The following ALK variants were observed in gnomAD, a reference collection of about 807,000 sequenced individuals.
ALK encodes ALK tyrosine kinase receptor.
ALK carries 74 observed loss-of-function variants against 163.1 expected under a neutral mutation model. The observed-to-expected ratio is 0.45, with a 90% CI of 0.38 to 0.55. The LOEUF (loss-of-function observed/expected upper bound fraction) is 0.55. ALK is among the 20% of genes least tolerant of loss of function. ALK has a pLI of 0.00. For synonymous variants in ALK, 960 were observed against 843.2 expected (o/e 1.14, Z -2.40); for missense variants, 2,063 against 2,105.3 (o/e 0.98, Z 0.39).
chr2:29,877,195 T>C (rs1158773735), intron 1 of ALK, among the ~76,000 whole-genome samples: 1 of 152,244 alleles, frequency 6.6e-6, no homozygotes, highest in African/African-American at 2.4e-5. Context: ...ATAAGTTAAG[T>C]TGGAGGCTGA....
chr2:29,772,914 G>A (rs1355358547), intron 1 of ALK, among the ~76,000 whole-genome samples: 11 of 152,196 alleles, frequency 7.2e-5, no homozygotes, highest in Admixed American at 7.2e-4. Context: ...AAGGACTTCT[G>A]TGTAGGGGGA....
chr2:29,470,104 T>C lies in ALK; in HGVS notation c.1154+61811A>G, dbSNP rs574793475. Among the ~76,000 whole-genome samples the C allele has an allele frequency of 1.2e-3, 179 of 152,138 alleles. 2 individuals are homozygous for C. The highest frequency in any genetic ancestry group is 2.3e-3 in the Non-Finnish European group (157 of 67,992). ...ATACAATAACGAATTAATAATTCAA[T>C]AGATGAGTTTAACAGTAGATTAGAC... On this transcript the variant is annotated intron_variant, in intron 4 of 28. Transcript: ENST00000389048.
At chr2:29,232,281 A>G in intron 15 of ALK, 23 bp downstream of exon 15, 2 of 1,613,922 alleles carry the variant, frequency 1.2e-6, no homozygotes, top group Non-Finnish European at 1.7e-6. Flanking sequence ...GTTCTGGGAG[A>G]GGGCACGCTT....
At chr2:29,609,474 C>T (rs1044128906) in intron 3 of ALK, among the ~76,000 whole-genome samples, 6 of 150,506 alleles carry the variant, frequency 4.0e-5, no homozygotes, top group Non-Finnish European at 8.9e-5. Flanking sequence ...TTCTCTCACT[C>T]ATCTACACAT....
intron 1 of ALK, among the ~76,000 whole-genome samples, chr2:29,757,921 T>C (rs573872600): frequency 6.6e-6 from 1 of 151,888 alleles, no homozygotes; most frequent in African/African-American, 2.4e-5. Flanking sequence ...CAGACAGACA[T>C]GATCTCACTC....
intron 3 of ALK, among the ~76,000 whole-genome samples, chr2:29,614,509 G>A (rs1206846043): frequency 6.6e-6 from 1 of 152,176 alleles, no homozygotes; most frequent in Non-Finnish European, 1.5e-5. Flanking sequence ...CTGACAGCAT[G>A]TTCCATCCAC....
At chr2:29,726,108 T>A (rs1450159354) in intron 1 of ALK, among the ~76,000 whole-genome samples, 1 of 152,160 alleles carries the variant, frequency 6.6e-6, no homozygotes, top group Admixed American at 6.5e-5. Context: ...ATTTTACTAA[T>A]CCAAGACAGC....
intron 1 of ALK, among the ~76,000 whole-genome samples, chr2:29,801,948 A>G (rs1417162117): frequency 6.6e-6 from 1 of 152,042 alleles, no homozygotes; most frequent in Non-Finnish European, 1.5e-5. Flanking sequence ...CAACTTCTTA[A>G]CCCCTAGGTC....
intron 2 of ALK, among the ~76,000 whole-genome samples, chr2:29,707,904 G>T (rs2631970): frequency 0.64 from 97,360 of 151,966 alleles, 35,667 homozygotes; most frequent in Non-Finnish European, 0.81. Context: ...ACCAAAAGGA[G>T]TAGGTAGTGG....
chr2:29,607,528 G>A (rs996506193), intron 3 of ALK, among the ~76,000 whole-genome samples: 2 of 152,048 alleles, frequency 1.3e-5, no homozygotes, highest in East Asian at 1.9e-4. Context: ...CCACTCCCCC[G>A]AAATGGCTCT....
intron 4 of ALK, among the ~76,000 whole-genome samples, chr2:29,401,886 G>C (rs1473821854): frequency 6.6e-6 from 1 of 152,190 alleles, no homozygotes; most frequent in East Asian, 1.9e-4. Context: ...ATCCTGGTCT[G>C]ACACGAAATT....
chr2:29,482,703 A>G (rs1671690923), intron 4 of ALK, among the ~76,000 whole-genome samples: 1 of 151,154 alleles, frequency 6.6e-6, no homozygotes, highest in Non-Finnish European at 1.5e-5. Context: ...TTAGCTGATG[A>G]CAGAGCAGGA....
At chr2:29,296,201 A>G (rs542452876) in intron 9 of ALK, among the ~76,000 whole-genome samples, 1 of 152,382 alleles carries the variant, frequency 6.6e-6, no homozygotes, top group African/African-American at 2.4e-5. Context: ...GATGTTGCTC[A>G]AAGTCACAGA....
intron 1 of ALK, among the ~76,000 whole-genome samples, chr2:29,782,088 T>C (rs1481836740): frequency 6.6e-6 from 1 of 152,214 alleles, no homozygotes; most frequent in Non-Finnish European, 1.5e-5. Context: ...CCTCATGTCA[T>C]TGCCTCAGGG....
At chr2:29,552,804 C>T (rs949241770) in intron 3 of ALK, among the ~76,000 whole-genome samples, 2 of 152,112 alleles carry the variant, frequency 1.3e-5, no homozygotes, top group African/African-American at 4.8e-5. Context: ...TCCCTGCTTC[C>T]GTATCTCAAT....
At chr2:29,247,646 G>T (rs1302740693) in intron 12 of ALK, among the ~76,000 whole-genome samples, 1 of 152,204 alleles carries the variant, frequency 6.6e-6, no homozygotes, top group African/African-American at 2.4e-5. Context: ...AAGAGTGGGG[G>T]TGTTTCCAAC....
intron 1 of ALK, among the ~76,000 whole-genome samples, chr2:29,739,269 A>G (rs992918039): frequency 2.4e-5 from 3 of 125,420 alleles, no homozygotes; most frequent in Admixed American, 1.7e-4. Context: ...AAAAAAAAAA[A>G]GAACATAGGC....
chr2:29,343,940 CAG>C (rs1266901897), intron 5 of ALK, among the ~76,000 whole-genome samples: 2 of 152,086 alleles, frequency 1.3e-5, no homozygotes, highest in Non-Finnish European at 1.5e-5. Flanking sequence ...AGCTACTAAG[CAG>C]AGTCTACAAT....
At chr2:29,657,013 G>A (rs1190006310) in intron 3 of ALK, among the ~76,000 whole-genome samples, 1 of 152,084 alleles carries the variant, frequency 6.6e-6, no homozygotes, top group African/African-American at 2.4e-5. Flanking sequence ...ATAGAAAACG[G>A]CATCAGTTCA....
Sources: allele counts gnomAD v4.1 joint callset (sites outside exome capture counted in the v4.1 genomes callset), GRCh38; gene constraint gnomAD v4.1.1; transcripts MANE v1.5; gene names NCBI Gene and HGNC (gene_info 2026-07-23, HGNC 2026-07-21).